Variants in CDK8 observed in about 807,000 individuals in gnomAD.
CDK8 encodes cyclin-dependent kinase 8.
In CDK8, 29 loss-of-function variants were observed where a neutral mutation model predicts 71.5. The observed-to-expected ratio is 0.41, with a 90% confidence interval of 0.30 to 0.55. The LOEUF is 0.55. Among genes scored for constraint, CDK8 ranks in the 20% least tolerant of loss-of-function variants. The probability of loss-of-function intolerance (pLI) is 0.37; values close to 1 mark genes in which losing one functional copy is unlikely to be tolerated. For synonymous variants in CDK8, 161 were observed against 192.1 expected (o/e 0.84, Z 1.34); for missense variants, 288 against 572.6 (o/e 0.50, Z 5.07).
At position 26,310,069 on chromosome 13, in the gene CDK8, T is replaced by A. The variant is rs7319552; in HGVS notation, c.129-27498T>A. 4.1e-3 allele frequency among the ~76,000 whole-genome samples: 620 copies of A among 152,342 alleles called. 3 individuals carry two copies. The highest frequency in any genetic ancestry group is 0.014 in the African/African-American group (570 of 41,578). On this transcript the variant is annotated intron_variant, in intron 1 of 12. Coordinates refer to ENST00000381527, the MANE Select transcript of CDK8 (RefSeq NM_001260.3). ...CTGTGCCCAGCCTTACCATCTTTTTTAATATATAGCTTAGAGGTATTAAGT... is the reference window on the plus strand; with the variant it reads ...CTGTGCCCAGCCTTACCATCTTTTTAAATATATAGCTTAGAGGTATTAAGT...
chr13:26,404,276 TGAAAA>T lies in CDK8; in HGVS notation c.*200_*204del, dbSNP rs1876411595. ...GTTGTACCTATTTTGGAGTTAGACTTGAAAAGAAAGTGCTAGCACAGTTTGTGTTG... is the reference window on the plus strand; with the variant it reads ...GTTGTACCTATTTTGGAGTTAGACTTGAAAGTGCTAGCACAGTTTGTGTTG... On this transcript the variant is annotated 3_prime_UTR_variant, in exon 13 of 13. Transcript: ENST00000381527. The T allele has an allele frequency of 5.4e-6, 3 of 559,230 alleles. No homozygotes were observed. Among genetic ancestry groups the T allele is most frequent in the East Asian group, 6.2e-5 (2 of 32,244 alleles). 34.6% of individuals were successfully genotyped at this position (559,230 alleles called of 1,614,324 possible).
Position 26,401,642 on chromosome 13 carries a change from T to C in CDK8, c.1269+18T>C. 1 of 1,612,814 alleles carries C rather than the reference T, an allele frequency of 6.2e-7. No homozygotes were observed. On this transcript the variant is annotated intron_variant, in intron 12 of 12. Coordinates refer to ENST00000381527, the MANE Select transcript of CDK8 (RefSeq NM_001260.3). The surrounding 1 kb of genome is among the most constrained non-coding windows in gnomAD (Gnocchi z 4.5). ...ACTATCAGGTATTCCAAGTTTATTT[T>C]GTATTGACTGCATGTCAGTGTTTAC... is the stretch of plus-strand genomic sequence containing the variant.
At chr13:26,358,309 A>G (rs542924154) in intron 4 of CDK8, among the ~76,000 whole-genome samples, 1 of 152,234 alleles carries the variant, frequency 6.6e-6, no homozygotes, top group South Asian at 2.1e-4. Context: ...AAAAAAAAAT[A>G]AAAAATAAAA....
At position 26,328,979 on chromosome 13, in the gene CDK8, T is replaced by C. The variant is rs1286678198; in HGVS notation, c.129-8588T>C. On this transcript the variant is annotated intron_variant, in intron 1 of 12. Transcript: ENST00000381527. ...TCTCTGCCATTGCATGATTTTGCTG[T>C]GTAAGTCTAATTGGTTCTTGGCTTT... is the stretch of plus-strand genomic sequence containing the variant. 3.3e-5 allele frequency among the ~76,000 whole-genome samples: 5 copies of C among 152,242 alleles called. No individual in the cohort carries two copies. The East Asian group carries it at 9.6e-4, about 29-fold the overall frequency.
chr13:26,359,261 T>TTTCAGTTTTACAGA (rs6144966), intron 4 of CDK8, among the ~76,000 whole-genome samples: 143,531 of 152,166 alleles, frequency 0.94, 67,722 homozygotes, highest in East Asian at 1. Flanking sequence ...GGATGCAGAG[T>TTTCAGTTTTACAGA]ATGAAAAGAG....
In CDK8 at chr13:26,393,286, G is replaced by T. The variant is rs1015080289; in HGVS notation, c.647-81G>T. On this transcript the variant is annotated intron_variant, in intron 6 of 12. Coordinates refer to ENST00000381527, the MANE Select transcript of CDK8 (RefSeq NM_001260.3). ...ATAAAATTGCATTTTCTTTTGGAAA[G>T]AACCACTTTATTTTGCACCTTTCTT... 1.0e-5 allele frequency: 9 copies of T among 896,878 alleles called. No individual in the cohort carries two copies. The African/African-American group carries it at 1.6e-4, about 16-fold the overall frequency. The allele number at this position is 896,878 out of a possible 1,614,324, so 55.6% of individuals were successfully genotyped here.
At chr13:26,369,589 C>T (rs756738793) in intron 4 of CDK8, among the ~76,000 whole-genome samples, 8 of 131,032 alleles carry the variant, frequency 6.1e-5, no homozygotes, top group African/African-American at 2.1e-4. Context: ...AGTGCAGTAG[C>T]GTGATCTCCG....
At chr13:26,361,345 C>G (rs1874128735) in intron 4 of CDK8, among the ~76,000 whole-genome samples, 1 of 152,098 alleles carries the variant, frequency 6.6e-6, no homozygotes. Context: ...TATGGATGCT[C>G]CTTGACTTAC....
intron 4 of CDK8, among the ~76,000 whole-genome samples, chr13:26,376,270 G>T (rs1874944874): frequency 6.6e-6 from 1 of 152,106 alleles, no homozygotes; most frequent in African/African-American, 2.4e-5. Flanking sequence ...AAAGCTAAAA[G>T]TTTTCGATAC....
chr13:26,358,067 G>A (rs555748238), intron 4 of CDK8, among the ~76,000 whole-genome samples: 11 of 151,854 alleles, frequency 7.2e-5, no homozygotes, highest in African/African-American at 1.9e-4. Context: ...TTTGGGAGGC[G>A]GGCAGATCAT....
At chr13:26,387,183 A>G (rs1364589642) in intron 6 of CDK8, among the ~76,000 whole-genome samples, 1 of 152,178 alleles carries the variant, frequency 6.6e-6, no homozygotes, top group South Asian at 2.1e-4. Context: ...AAAGCCTACT[A>G]TCTGTGAAGA....
intron 1 of CDK8, among the ~76,000 whole-genome samples, chr13:26,314,937 A>C (rs1451440794): frequency 6.6e-6 from 1 of 152,178 alleles, no homozygotes; most frequent in Non-Finnish European, 1.5e-5. Flanking sequence ...AATCAATTTA[A>C]TATTGCTAGC....
chr13:26,309,248 T>G (rs1019571442), intron 1 of CDK8, among the ~76,000 whole-genome samples: 2 of 151,846 alleles, frequency 1.3e-5, no homozygotes, highest in African/African-American at 4.8e-5. Flanking sequence ...CACGCCATTC[T>G]CCTGCCTCAG....
At chr13:26,353,930 A>G (rs769388006) in intron 4 of CDK8, 50 bp downstream of exon 4, 9 of 1,533,330 alleles carry the variant, frequency 5.9e-6, no homozygotes, top group Non-Finnish European at 7.2e-6. Flanking sequence ...TTACAGTTGG[A>G]TACTTTTCTA....
At chr13:26,368,987 T>G (rs915627992) in intron 4 of CDK8, among the ~76,000 whole-genome samples, 7 of 152,178 alleles carry the variant, frequency 4.6e-5, no homozygotes, top group South Asian at 2.1e-4. Context: ...ATACTTTGTT[T>G]TGTCTATTTT....
intron 1 of CDK8, among the ~76,000 whole-genome samples, chr13:26,334,024 CT>C (rs901737193): frequency 2.0e-5 from 3 of 152,000 alleles, no homozygotes; most frequent in African/African-American, 7.2e-5. Flanking sequence ...AGGAGGTTGC[CT>C]TTTTTATAAT....
intron 2 of CDK8, among the ~76,000 whole-genome samples, chr13:26,345,619 A>G (rs1458656654): frequency 6.6e-6 from 1 of 152,216 alleles, no homozygotes; most frequent in African/African-American, 2.4e-5. Flanking sequence ...CTGAACCTCA[A>G]TGATCTGCCT....
intron 4 of CDK8, among the ~76,000 whole-genome samples, chr13:26,374,779 A>G (rs1192853739): frequency 1.3e-5 from 2 of 152,162 alleles, no homozygotes; most frequent in African/African-American, 4.8e-5. Context: ...TGAGATATAC[A>G]TTGCTTTTGG....
chr13:26,355,910 T>G lies in CDK8; in HGVS notation c.456+2030T>G, dbSNP rs139716128. Among the ~76,000 whole-genome samples the G allele has an allele frequency of 2.3e-3, 345 of 152,274 alleles. 4 individuals carry two copies. The highest frequency in any genetic ancestry group is 7.9e-3 in the African/African-American group (329 of 41,576). ...GTATATTAGGTAAATACAGACTGGT[T>G]TTTAAAACCAATATTTAAATTTCAT... On this transcript the variant is annotated intron_variant, in intron 4 of 12. Coordinates refer to ENST00000381527, the MANE Select transcript of CDK8 (RefSeq NM_001260.3).
Sources: allele counts gnomAD v4.1 joint callset (sites outside exome capture counted in the v4.1 genomes callset), GRCh38; gene constraint gnomAD v4.1.1; non-coding constraint Gnocchi (gnomAD v3.1); transcripts MANE v1.5; gene names NCBI Gene and HGNC (gene_info 2026-07-23, HGNC 2026-07-21).